The following GVQW3 variants were observed in gnomAD, a reference collection of about 807,000 sequenced individuals.
GVQW3 encodes the protein GVQW motif containing 3.
Under a neutral mutation model 12.5 loss-of-function variants are expected in GVQW3, and 7 were observed. The ratio of observed to expected loss-of-function variants is 0.56; its 90% confidence interval spans 0.32 to 1.05. The LOEUF (loss-of-function observed/expected upper bound fraction) is 1.05, where lower values mean the gene tolerates loss of function less well. GVQW3 is among the 50% of genes least tolerant of loss of function. The probability of loss-of-function intolerance (pLI) is 0.04; values close to 1 mark genes in which losing one functional copy is unlikely to be tolerated. For synonymous variants in GVQW3, 71 were observed against 67.2 expected, an observed-to-expected ratio of 1.06 and a Z score of -0.28; for missense variants, 188 against 190.8, an observed-to-expected ratio of 0.99 and a Z score of 0.09.
chr11:76,408,326 C>T (rs971331529), downstream of GVQW3, among the ~76,000 whole-genome samples: 4 of 152,110 alleles, frequency 2.6e-5, no homozygotes, highest in South Asian at 2.1e-4. Flanking sequence ...AACATTTGTT[C>T]GGGCCTTGAA....
In GVQW3 at chr11:76,404,906, T is replaced by G. The variant is rs1392254727; in HGVS notation, c.*1148T>G. 1 of 152,220 alleles carries G rather than the reference T, an allele frequency of 6.6e-6. No individual in the cohort carries two copies. Among genetic ancestry groups the G allele is most frequent in the African/African-American group, 2.4e-5 (1 of 41,448 alleles). The allele number at this position is 152,220 out of a possible 1,614,324, so 9.4% of individuals were successfully genotyped here. On this transcript the variant is annotated 3_prime_UTR_variant, in exon 2 of 2. Transcript: ENST00000529331. ...CTGAAGAAAAAGAAGGCATTTCAAG[T>G]CTCTATAGGTTGGGGACTTTAATGA... is the stretch of plus-strand genomic sequence containing the variant.
At chr11:76,386,426 C>A (rs939353473) in intron 1 of GVQW3, among the ~76,000 whole-genome samples, 1 of 152,178 alleles carries the variant, frequency 6.6e-6, no homozygotes, top group Non-Finnish European at 1.5e-5. Context: ...TTCCCAGAAA[C>A]TTTTTTTCAG....
At chr11:76,411,308 C>G (rs915395904), downstream of GVQW3, 1 of 152,332 alleles carries the variant, frequency 6.6e-6, no homozygotes, top group Admixed American at 6.5e-5. Flanking sequence ...AGCTGGAGTC[C>G]TAGAGGCCTC....
chr11:76,404,587 T>C lies in GVQW3; in HGVS notation c.*829T>C, dbSNP rs1368484104. ...GGAAAGATGTGGAAGTCAATAAGCATTTCCTCCACCACCCAGAAGCATCTC... is the reference window on the plus strand; with the variant it reads ...GGAAAGATGTGGAAGTCAATAAGCACTTCCTCCACCACCCAGAAGCATCTC... On this transcript the variant is annotated 3_prime_UTR_variant, in exon 2 of 2. Coordinates refer to ENST00000529331, the MANE Select transcript of GVQW3 (RefSeq NM_001347885.2). 1 of 152,240 alleles carries C rather than the reference T, an allele frequency of 6.6e-6. No individual in the cohort carries two copies. Among genetic ancestry groups the C allele is most frequent in the African/African-American group, 2.4e-5 (1 of 41,436 alleles). The allele number at this position is 152,240 out of a possible 1,614,324, so 9.4% of individuals were successfully genotyped here.
At chr11:76,414,058 G>A (rs1947099154) in exon 2 of GVQW3, 1 of 152,034 alleles carries the variant, frequency 6.6e-6, no homozygotes, top group African/African-American at 2.4e-5. Flanking sequence ...GAGGCCGCTG[G>A]GCCCTGGTCA....
At chr11:76,384,467 T>G (rs2134534264) in intron 1 of GVQW3, among the ~76,000 whole-genome samples, 1 of 152,238 alleles carries the variant, frequency 6.6e-6, no homozygotes, top group South Asian at 2.1e-4. Context: ...GGATTACAGG[T>G]GCATGCTGCT....
chr11:76,393,751 G>A (rs994215283), intron 1 of GVQW3, among the ~76,000 whole-genome samples: 7 of 151,614 alleles, frequency 4.6e-5, no homozygotes, highest in African/African-American at 1.5e-4. Context: ...TACATAGCAG[G>A]TATATATATA....
At chr11:76,389,014 C>T (rs968538074) in intron 1 of GVQW3, among the ~76,000 whole-genome samples, 1 of 152,028 alleles carries the variant, frequency 6.6e-6, no homozygotes, top group Non-Finnish European at 1.5e-5. Context: ...GGAATTTGTC[C>T]TAAAGAAATA....
rs1177319573 is a variant in GVQW3, at chr11:76,407,365, T to C, written c.*3607T>C. ...GAGGCCGAGGTGGGCAGATCACAAG[T>C]CAGGAGCTAGAGACCAGCCTGGTCA... On this transcript the variant is annotated 3_prime_UTR_variant, in exon 2 of 2. Transcript: ENST00000529331. 2 of 151,938 alleles carry C rather than the reference T, an allele frequency of 1.3e-5. No individual in the cohort carries two copies. The highest frequency in any genetic ancestry group is 1.5e-5 in the Non-Finnish European group (1 of 68,008). The allele number at this position is 151,938 out of a possible 1,614,324, so 9.4% of individuals were successfully genotyped here.
intron 1 of GVQW3, among the ~76,000 whole-genome samples, chr11:76,391,338 T>C (rs1457317535): frequency 6.6e-6 from 1 of 152,204 alleles, no homozygotes; most frequent in Non-Finnish European, 1.5e-5. Context: ...TCATTGCTAT[T>C]TAAGCAAAAC....
chr11:76,399,506 AATTTT>A (rs1162162436), intron 1 of GVQW3, among the ~76,000 whole-genome samples: 1 of 152,118 alleles, frequency 6.6e-6, no homozygotes, highest in African/African-American at 2.4e-5. Context: ...CATGATGGTT[AATTTT>A]ATTTGTCAAT....
At chr11:76,387,295 G>A (rs1418431932) in intron 1 of GVQW3, among the ~76,000 whole-genome samples, 3 of 151,978 alleles carry the variant, frequency 2.0e-5, no homozygotes, top group African/African-American at 7.3e-5. Flanking sequence ...AATTAGCCGG[G>A]CGTGGTGGTG....
At chr11:76,388,640 A>C (rs1946860710) in intron 1 of GVQW3, among the ~76,000 whole-genome samples, 1 of 151,866 alleles carries the variant, frequency 6.6e-6, no homozygotes, top group Non-Finnish European at 1.5e-5. Context: ...AGCAGTGTAC[A>C]AAATAGACAC....
intron 1 of GVQW3, among the ~76,000 whole-genome samples, chr11:76,386,024 A>G (rs1946830197): frequency 6.6e-6 from 1 of 152,126 alleles, no homozygotes; most frequent in Non-Finnish European, 1.5e-5. Context: ...TCAGTAGGAG[A>G]GCTGGCCATC....
At chr11:76,397,752 G>C (rs11236742) in intron 1 of GVQW3, among the ~76,000 whole-genome samples, 1 of 151,968 alleles carries the variant, frequency 6.6e-6, no homozygotes, top group Admixed American at 6.5e-5. Context: ...AGCATAATGT[G>C]GTAAAATAAT....
At position 76,403,651 on chromosome 11, in the gene GVQW3, T is replaced by C; in HGVS notation, c.466-9T>C. On this transcript the variant is annotated splice_polypyrimidine_tract_variant and intron_variant, in intron 1 of 1. Coordinates refer to ENST00000529331, the MANE Select transcript of GVQW3 (RefSeq NM_001347885.2). The stretch of plus-strand genomic sequence containing the variant: ...TGCCCAAATAATTTTTTATTTTTAT[T>C]TTTTGTAGAGACGGAACCTCACTAT... 1 of 440,932 alleles carries C rather than the reference T, an allele frequency of 2.3e-6. No homozygotes were observed. The highest frequency in any genetic ancestry group is 6.4e-5 in the South Asian group (1 of 15,706). 27.3% of individuals were successfully genotyped at this position (440,932 alleles called of 1,614,324 possible).
At position 76,406,537 on chromosome 11, in the gene GVQW3, C is replaced by G. The variant is rs973010221; in HGVS notation, c.*2779C>G. ...TTGCACCTCATTTCTGACCCCAAAC[C>G]CAGCTGCAGCTTCTCATCTCACGAA... is the stretch of plus-strand genomic sequence containing the variant. On this transcript the variant is annotated 3_prime_UTR_variant, in exon 2 of 2. Transcript: ENST00000529331. The G allele has an allele frequency of 1.3e-5, 2 of 152,194 alleles. No homozygotes were observed. Among genetic ancestry groups the G allele is most frequent in the Non-Finnish European group, 2.9e-5 (2 of 68,034 alleles). 9.4% of individuals were successfully genotyped at this position (152,194 alleles called of 1,614,324 possible). A position where few individuals can be genotyped will look rare whatever the true frequency, so the allele number is the denominator to read the frequency against.
At chr11:76,386,302 C>T (rs1946832723) in intron 1 of GVQW3, among the ~76,000 whole-genome samples, 1 of 152,198 alleles carries the variant, frequency 6.6e-6, no homozygotes, top group Non-Finnish European at 1.5e-5. Context: ...AAAATGTTCA[C>T]CAAATCTGTG....
rs1486815473 is a variant in GVQW3, at chr11:76,404,642, G to A, written c.*884G>A. ...CTCAGGCAGGAGGTGGGCAGTGAAG[G>A]GGAATACCAAGCATCCTGCACATCA... On this transcript the variant is annotated 3_prime_UTR_variant, in exon 2 of 2. Transcript: ENST00000529331. 3 of 152,308 alleles carry A rather than the reference G, an allele frequency of 2.0e-5. No homozygotes were observed. Among genetic ancestry groups the A allele is most frequent in the Admixed American group, 2.0e-4 (3 of 15,276 alleles). 9.4% of individuals were successfully genotyped at this position (152,308 alleles called of 1,614,324 possible).
Sources: gnomAD v4.1 joint callset for allele counts (sites outside exome capture counted in the v4.1 genomes callset) on GRCh38, gnomAD v4.1.1 for gene constraint, MANE v1.5 for transcripts, NCBI Gene and HGNC (gene_info 2026-07-23, HGNC 2026-07-21) for gene names.